ASH1L: variants seen among roughly 807,000 people sequenced by gnomAD.
ASH1L encodes histone-lysine N-methyltransferase ASH1L.
A neutral mutation model predicts 269.0 loss-of-function variants in ASH1L; 23 were observed. The observed-to-expected ratio is 0.09, with a 90% CI of 0.06 to 0.12. The LOEUF is 0.12. Ranked by LOEUF, ASH1L falls within the 10% of genes least tolerant of loss-of-function variation. The probability of loss-of-function intolerance (pLI) is 1.00; values close to 1 mark genes in which losing one functional copy is unlikely to be tolerated. For missense variants in ASH1L, 2,912 were observed against 3,567.8 expected, an observed-to-expected ratio of 0.82 and a Z score of 4.68; for synonymous variants, 1,187 against 1,253.5, an observed-to-expected ratio of 0.95 and a Z score of 1.12.
At chr1:155,511,711 G>A (rs1444603785) in intron 2 of ASH1L, among the ~76,000 whole-genome samples, 1 of 152,110 alleles carries the variant, frequency 6.6e-6, no homozygotes, top group Non-Finnish European at 1.5e-5. Context: ...TCACCATGTT[G>A]GCCAGCATAG....
intron 4 of ASH1L, 90 bp from the exon 5 acceptor site, chr1:155,439,158 C>T: frequency 7.6e-7 from 1 of 1,313,748 alleles, no homozygotes; most frequent in Non-Finnish European, 1.0e-6. Context: ...GAGTACTACT[C>T]TATTTTCCAT....
intron 1 of ASH1L, among the ~76,000 whole-genome samples, chr1:155,529,505 G>C (rs1364324381): frequency 6.6e-6 from 1 of 152,066 alleles, no homozygotes; most frequent in East Asian, 1.9e-4. Context: ...AGAAGTGTCT[G>C]TTCATGTCCT....
At chr1:155,348,488 G>A (rs758457611) in intron 19 of ASH1L, among the ~76,000 whole-genome samples, 1 of 151,848 alleles carries the variant, frequency 6.6e-6, no homozygotes, top group African/African-American at 2.4e-5. Context: ...CCATACAATA[G>A]TCCATCCTGT....
At chr1:155,517,418 C>G (rs1668566268) in intron 2 of ASH1L, among the ~76,000 whole-genome samples, 1 of 152,070 alleles carries the variant, frequency 6.6e-6, no homozygotes, top group African/African-American at 2.4e-5. Flanking sequence ...CATTTGAGCT[C>G]AGGAGTTTGA....
At chr1:155,395,694 C>T (rs1658285900) in intron 6 of ASH1L, 141 bp from the exon 7 acceptor site, 2 of 542,244 alleles carry the variant, frequency 3.7e-6, no homozygotes, top group African/African-American at 2.0e-5. Context: ...ACTTCTGAAA[C>T]TGTCCTTAAG....
At chr1:155,365,520 G>A (rs1362359426) in intron 12 of ASH1L, among the ~76,000 whole-genome samples, 1 of 151,958 alleles carries the variant, frequency 6.6e-6, no homozygotes, top group Non-Finnish European at 1.5e-5. Flanking sequence ...ACCATGCCTG[G>A]CATATTGACA....
Position 155,438,316 on chromosome 1 carries a change from T to C in ASH1L, c.5828+11A>G, listed in dbSNP as rs1662259007. The C allele has an allele frequency of 6.5e-7, 1 of 1,531,774 alleles. No individual in the cohort carries two copies. 94.9% of individuals were successfully genotyped at this position (1,531,774 alleles called of 1,614,324 possible). A position where few individuals can be genotyped will look rare whatever the true frequency, so the allele number is the denominator to read the frequency against. On this transcript the variant is annotated intron_variant, in intron 5 of 27. Transcript: ENST00000392403. ...TCCTCTACTCAGATAATATGTTAAA[T>C]GAGGAATTACCTTTTATTATTCTCT...
chr1:155,422,892 G>A (rs947806473), intron 5 of ASH1L, among the ~76,000 whole-genome samples: 3 of 150,884 alleles, frequency 2.0e-5, no homozygotes, highest in East Asian at 2.0e-4. Context: ...TCAAATGATC[G>A]CCTGCCTCGG....
intron 7 of ASH1L, among the ~76,000 whole-genome samples, chr1:155,387,249 CA>C (rs1305508796): frequency 6.6e-6 from 1 of 152,200 alleles, no homozygotes; most frequent in Non-Finnish European, 1.5e-5. Flanking sequence ...GCTGGGATTA[CA>C]GGCGTGAGCC....
chr1:155,507,273 T>G (rs1475240251), intron 2 of ASH1L, among the ~76,000 whole-genome samples: 1 of 141,392 alleles, frequency 7.1e-6, no homozygotes, highest in Non-Finnish European at 1.5e-5. Flanking sequence ...AGAGCGAAAC[T>G]CCGTCTCAAA....
In ASH1L at chr1:155,414,108, T is replaced by C. The variant is rs540617299; in HGVS notation, c.6008+1636A>G. On this transcript the variant is annotated intron_variant, in intron 6 of 27. Transcript: ENST00000392403. ...TGTACCTCTAAAATCTAAGGTTTCC[T>C]CTTTCAATCTTATTCTTCTCTTTGT... is the stretch of plus-strand genomic sequence containing the variant. Among the ~76,000 whole-genome samples the C allele has an allele frequency of 1.9e-4, 29 of 152,318 alleles. No homozygotes were observed. The South Asian group carries it at 4.1e-3, about 22-fold the overall frequency.
intron 3 of ASH1L, among the ~76,000 whole-genome samples, chr1:155,477,274 TTTC>T (rs1307869141): frequency 2.6e-5 from 4 of 152,178 alleles, no homozygotes; most frequent in Non-Finnish European, 5.9e-5. Flanking sequence ...ATTTTCCAGA[TTTC>T]TTTTTTTTCT....
At chr1:155,382,088 T>C (rs1325895119) in intron 7 of ASH1L, among the ~76,000 whole-genome samples, 1 of 151,674 alleles carries the variant, frequency 6.6e-6, no homozygotes, top group African/African-American at 2.4e-5. Flanking sequence ...ACACCTGTAG[T>C]CCCAGCTACT....
At chr1:155,442,544 C>T (rs550504185) in intron 4 of ASH1L, among the ~76,000 whole-genome samples, 7,750 of 145,354 alleles carry the variant, frequency 0.053, 683 homozygotes, top group African/African-American at 0.19. Context: ...GATCACGCCA[C>T]TGCCCTCCAG....
At chr1:155,441,623 T>C (rs770432363) in intron 4 of ASH1L, among the ~76,000 whole-genome samples, 4 of 147,966 alleles carry the variant, frequency 2.7e-5, no homozygotes, top group Non-Finnish European at 4.5e-5. Context: ...GCATCACACC[T>C]GGCTAATTTA....
At chr1:155,352,640 AT>A (rs1654033976) in intron 17 of ASH1L, 65 bp downstream of exon 17, 1 of 1,465,092 alleles carries the variant, frequency 6.8e-7, no homozygotes, top group African/African-American at 1.4e-5. Context: ...CCCTATCTCT[AT>A]TTATTTAAAA....
chr1:155,395,203 G>A (rs1271906574), intron 7 of ASH1L, among the ~76,000 whole-genome samples: 1 of 152,140 alleles, frequency 6.6e-6, no homozygotes, highest in East Asian at 1.9e-4. Context: ...AAAGTGCTAG[G>A]ATTATAGGCA....
chr1:155,539,011 C>CA (rs1670244856), intron 1 of ASH1L, among the ~76,000 whole-genome samples: 1 of 152,148 alleles, frequency 6.6e-6, no homozygotes, highest in African/African-American at 2.4e-5. Context: ...ACATTCCTGC[C>CA]ACCTCTCTGG....
In ASH1L at chr1:155,521,326, C is replaced by T. The variant is rs147025395; in HGVS notation, c.194G>A (p.Gly65Asp). The T allele has an allele frequency of 1.2e-6, 2 of 1,614,116 alleles. No individual in the cohort carries two copies. Among genetic ancestry groups the T allele is most frequent in the South Asian group, 2.2e-5 (2 of 91,072 alleles). Residue 65 changes from glycine (G) to aspartate (D), a missense_variant, in exon 2 of 28, where the codon GGT becomes GAT. Gly to Asp is a moderately conservative substitution (Grantham distance 94). Around this residue, in one of 13 missense-constraint regions of ASH1L, gnomAD observed 115 missense variants for 101.5 expected, o/e 1.13. Transcript: ENST00000392403. ...AAACTGTTGCTGTGCATCAGTCAAA[C>T]CATCATCTTTCCCAGCTTCGATGTT... Reference protein sequence around the residue: ...ERNIEAGKDDGLTDAQQQFSV... With the variant: ...ERNIEAGKDDDLTDAQQQFSV...
Sources: allele counts gnomAD v4.1 joint callset (sites outside exome capture counted in the v4.1 genomes callset), GRCh38; gene constraint gnomAD v4.1.1; regional missense constraint gnomAD v4.1.1; transcripts MANE v1.5; gene names NCBI Gene and HGNC (gene_info 2026-07-23, HGNC 2026-07-21).